CATSPERD: variants seen among roughly 807,000 people sequenced by gnomAD.
CATSPERD encodes the protein cation channel sperm-associated auxiliary subunit delta.
Under a neutral mutation model 98.1 loss-of-function variants are expected in CATSPERD, and 86 were observed. That is an observed-to-expected ratio of 0.88 (90% CI 0.74 to 1.05). CATSPERD has a LOEUF of 1.05. CATSPERD is among the 50% of genes least tolerant of loss of function. The probability of loss-of-function intolerance (pLI) is 0.00; values close to 1 mark genes in which losing one functional copy is unlikely to be tolerated. For missense variants in CATSPERD, 995 were observed against 1,005.7 expected, an observed-to-expected ratio of 0.99 and a Z score of 0.14; for synonymous variants, 394 against 390.2, an observed-to-expected ratio of 1.01 and a Z score of -0.12.
rs371756132 is a variant in CATSPERD, at chr19:5,778,528, C to T, written c.2249C>T (p.Ala750Val). 16 of 1,613,910 alleles carry T rather than the reference C, an allele frequency of 9.9e-6. No individual in the cohort carries two copies. In the African/African-American group the frequency reaches 2.1e-4, roughly 22 times the overall value. Residue 750 changes from alanine (A) to valine (V), a missense_variant, in exon 22 of 22, where the codon GCA becomes GTA. Coordinates refer to ENST00000381624, the MANE Select transcript of CATSPERD (RefSeq NM_152784.4). ...AYKTPKLLRT[A>V]RGRRIKKCAT... ...AAGACCCCCAAGCTGCTACGCACAG[C>T]ACGCGGCCGCAGGATCAAGAAGTGT...
chr19:5,736,632 T>C (rs940775496), intron 5 of CATSPERD, among the ~76,000 whole-genome samples: 2 of 152,086 alleles, frequency 1.3e-5, no homozygotes, highest in Admixed American at 6.6e-5. Context: ...GAGAATCGTT[T>C]GAACCTGGGA....
intron 20 of CATSPERD, among the ~76,000 whole-genome samples, chr19:5,774,514 C>A (rs1439740152): frequency 6.7e-6 from 1 of 149,408 alleles, no homozygotes; most frequent in Admixed American, 6.7e-5. Flanking sequence ...CATGGCAAAA[C>A]CCCGTCTCTA....
chr19:5,759,839 G>A (rs1434245132), intron 15 of CATSPERD, among the ~76,000 whole-genome samples: 5 of 151,940 alleles, frequency 3.3e-5, no homozygotes, highest in African/African-American at 4.8e-5. Context: ...ACTCTGGGAG[G>A]TCAAGGCGGG....
At chr19:5,738,874 C>A (rs1010736782) in intron 6 of CATSPERD, among the ~76,000 whole-genome samples, 3 of 151,726 alleles carry the variant, frequency 2.0e-5, no homozygotes, top group Admixed American at 6.6e-5. Context: ...ACACGCCCGG[C>A]CTGTTTTTGT....
At chr19:5,749,683 C>T (rs569069684) in intron 11 of CATSPERD, among the ~76,000 whole-genome samples, 1 of 152,086 alleles carries the variant, frequency 6.6e-6, no homozygotes, top group South Asian at 2.1e-4. Context: ...TCATATCGTC[C>T]CTATTTGACA....
chr19:5,758,780 C>T (rs1385774220), intron 14 of CATSPERD, among the ~76,000 whole-genome samples: 10 of 151,362 alleles, frequency 6.6e-5, no homozygotes, highest in African/African-American at 2.4e-4. Flanking sequence ...AAACATTAGC[C>T]AGGCATGGTA....
At chr19:5,769,293 C>CAA (rs35536683) in intron 18 of CATSPERD, among the ~76,000 whole-genome samples, 15 of 45,044 alleles carry the variant, frequency 3.3e-4, no homozygotes, top group African/African-American at 6.3e-4. Context: ...AACCTAGAGA[C>CAA]AAAAAAAAAA....
intron 16 of CATSPERD, among the ~76,000 whole-genome samples, chr19:5,765,576 C>G (rs1162372205): frequency 1.3e-5 from 2 of 152,020 alleles, no homozygotes; most frequent in East Asian, 3.9e-4. Flanking sequence ...CTTTGGGAGG[C>G]CCAGGCGGGT....
intron 7 of CATSPERD, among the ~76,000 whole-genome samples, chr19:5,740,023 T>A (rs1244312245): frequency 6.6e-6 from 1 of 152,120 alleles, no homozygotes; most frequent in African/African-American, 2.4e-5. Flanking sequence ...GCCTCACGCA[T>A]GTAATCTGAG....
chr19:5,778,175 C>A (rs1048110967), intron 21 of CATSPERD, among the ~76,000 whole-genome samples: 2 of 149,646 alleles, frequency 1.3e-5, no homozygotes, highest in Non-Finnish European at 3.0e-5. Context: ...CCACTGCACT[C>A]CAGCCTGGGT....
chr19:5,748,619 A>G (rs1599549914), intron 10 of CATSPERD, among the ~76,000 whole-genome samples: 1 of 124,562 alleles, frequency 8.0e-6, no homozygotes. Flanking sequence ...ACACAGTGAG[A>G]CTCCAAAAAA....
intron 20 of CATSPERD, 143 bp downstream of exon 20, chr19:5,773,108 C>T: frequency 1.3e-6 from 1 of 787,898 alleles, no homozygotes; most frequent in East Asian, 3.0e-5. Flanking sequence ...AATCCCAGCA[C>T]TTTGGGAGGC....
At chr19:5,768,904 G>A (rs959376166) in intron 18 of CATSPERD, among the ~76,000 whole-genome samples, 3 of 152,076 alleles carry the variant, frequency 2.0e-5, no homozygotes, top group African/African-American at 4.8e-5. Context: ...GGTGGCTCAC[G>A]CCTGTAATCC....
chr19:5,750,237 A>T (rs2056180127), intron 11 of CATSPERD, among the ~76,000 whole-genome samples: 1 of 149,714 alleles, frequency 6.7e-6, no homozygotes, highest in Admixed American at 6.6e-5. Context: ...TCACGAGTTC[A>T]GGAGATCGTG....
chr19:5,759,840 T>G (rs371184449), intron 15 of CATSPERD, among the ~76,000 whole-genome samples: 1 of 150,748 alleles, frequency 6.6e-6, no homozygotes, highest in East Asian at 2.0e-4. Context: ...CTCTGGGAGG[T>G]CAAGGCGGGC....
chr19:5,743,673 T>C (rs1387722794), intron 7 of CATSPERD, among the ~76,000 whole-genome samples: 1 of 126,168 alleles, frequency 7.9e-6, no homozygotes, highest in African/African-American at 2.8e-5. Flanking sequence ...TCTTCCTCTC[T>C]CTCTCTCTTC....
At chr19:5,748,071 G>A in intron 9 of CATSPERD, 89 bp from the exon 10 acceptor site, 1 of 1,032,136 alleles carries the variant, frequency 9.7e-7, no homozygotes, top group South Asian at 1.3e-5. Context: ...GGGTTGGGTG[G>A]TGGCAGGGGT....
intron 16 of CATSPERD, among the ~76,000 whole-genome samples, chr19:5,764,235 AT>A (rs56292430): frequency 1.1e-4 from 16 of 147,014 alleles, no homozygotes; most frequent in African/African-American, 3.5e-4. Context: ...CACCTGGCCA[AT>A]TTTTTTTTTT....
chr19:5,757,661 G>C (rs537279516), intron 13 of CATSPERD, among the ~76,000 whole-genome samples, 182 bp from the exon 14 acceptor site: 2 of 125,076 alleles, frequency 1.6e-5, no homozygotes, highest in Non-Finnish European at 3.2e-5. Context: ...GGCTCGTCTT[G>C]AACTCCTGGG....
Sources: allele counts gnomAD v4.1 joint callset (sites outside exome capture counted in the v4.1 genomes callset), GRCh38; gene constraint gnomAD v4.1.1; transcripts MANE v1.5; gene names NCBI Gene and HGNC (gene_info 2026-07-23, HGNC 2026-07-21).